Variants in RCC2 observed in about 807,000 individuals in gnomAD.
RCC2 encodes protein RCC2.
In RCC2, 19 loss-of-function variants were observed where a neutral mutation model predicts 64.1. The ratio of observed to expected loss-of-function variants is 0.30; its 90% CI spans 0.21 to 0.44. The LOEUF (loss-of-function observed/expected upper bound fraction) is 0.44, where lower values mean the gene tolerates loss of function less well. Among genes scored for constraint, RCC2 ranks in the 20% least tolerant of loss-of-function variants. The pLI is 1.00. For synonymous variants in RCC2, 325 were observed against 279.6 expected, an observed-to-expected ratio of 1.16 and a Z score of -1.62; for missense variants, 508 against 710.4, an observed-to-expected ratio of 0.72 and a Z score of 3.24.
chr1:17,417,167 TGGTTACG>T (rs1306911924), intron 7 of RCC2, among the ~76,000 whole-genome samples: 1 of 152,114 alleles, frequency 6.6e-6, no homozygotes, highest in Non-Finnish European at 1.5e-5. Context: ...CCTAAACGTA[TGGTTACG>T]GGTGGCTAAA....
At chr1:17,420,214 C>A (rs960067382) in intron 7 of RCC2, among the ~76,000 whole-genome samples, 1 of 152,176 alleles carries the variant, frequency 6.6e-6, no homozygotes, top group Admixed American at 6.5e-5. Flanking sequence ...CCTTTTCCAC[C>A]AATGAGATCG....
At chr1:17,434,784 G>A (rs1243759537) in intron 2 of RCC2, among the ~76,000 whole-genome samples, 1 of 152,218 alleles carries the variant, frequency 6.6e-6, no homozygotes, top group Non-Finnish European at 1.5e-5. Context: ...CTTGATAGCA[G>A]GGGGAGACCT....
intron 2 of RCC2, among the ~76,000 whole-genome samples, chr1:17,430,968 T>C (rs949547007): frequency 6.6e-6 from 1 of 151,898 alleles, no homozygotes; most frequent in South Asian, 2.1e-4. Flanking sequence ...TCCACCCACC[T>C]TGGCCTCCCA....
intron 9 of RCC2, 68 bp downstream of exon 9, chr1:17,413,469 G>C (rs753161461): frequency 1.9e-4 from 291 of 1,502,724 alleles, no homozygotes; most frequent in Non-Finnish European, 2.6e-4. Flanking sequence ...TCGTGGTCTA[G>C]GGACAGGACA....
At chr1:17,438,619 C>T (rs2075771441) in intron 1 of RCC2, 97 bp from the exon 2 acceptor site, 12 of 1,175,646 alleles carry the variant, frequency 1.0e-5, no homozygotes, top group Admixed American at 3.5e-5. Context: ...CCACTTCCTC[C>T]TCTGCCCTCC....
intron 3 of RCC2, among the ~76,000 whole-genome samples, chr1:17,427,468 C>T (rs2075629024): frequency 6.6e-6 from 1 of 152,134 alleles, no homozygotes; most frequent in African/African-American, 2.4e-5. Flanking sequence ...TATATTAAAA[C>T]TTAAGAAAAA....
intron 8 of RCC2, 141 bp from the exon 9 acceptor site, chr1:17,413,858 C>A (rs2075452839): frequency 1.3e-6 from 1 of 773,196 alleles, no homozygotes; most frequent in Admixed American, 2.9e-5. Flanking sequence ...ACCAGCCGGG[C>A]ACGGTGGTTC....
intron 2 of RCC2, among the ~76,000 whole-genome samples, chr1:17,431,594 G>T (rs2075682260): frequency 6.6e-6 from 1 of 150,860 alleles, no homozygotes; most frequent in African/African-American, 2.4e-5. Context: ...TCACCCCATG[G>T]GTATGCTTTG....
In RCC2 at chr1:17,409,039, G is replaced by C; in HGVS notation, c.*51C>G. ...TTGACTTCCCGTCCCAGTGCACATGGAAATGACAGCTGCCGCGAGAGGTGT... is the reference window on the plus strand; with the variant it reads ...TTGACTTCCCGTCCCAGTGCACATGCAAATGACAGCTGCCGCGAGAGGTGT... On this transcript the variant is annotated 3_prime_UTR_variant, in exon 13 of 13. Transcript: ENST00000375436. The C allele has an allele frequency of 2.2e-6, 3 of 1,335,384 alleles. No individual in the cohort carries two copies. Among genetic ancestry groups the C allele is most frequent in the Non-Finnish European group, 3.2e-6 (3 of 926,198 alleles). The allele number at this position is 1,335,384 out of a possible 1,614,324, so 82.7% of individuals were successfully genotyped here. A position where few individuals can be genotyped will look rare whatever the true frequency, so the allele number is the denominator to read the frequency against.
intron 1 of RCC2, among the ~76,000 whole-genome samples, chr1:17,438,864 C>G (rs529653718): frequency 5.3e-5 from 8 of 152,338 alleles, no homozygotes; most frequent in African/African-American, 1.9e-4. Flanking sequence ...TAAAACCAGC[C>G]TCCAGTCCCC....
chr1:17,422,364 C>A, intron 5 of RCC2, 73 bp from the exon 6 acceptor site: 1 of 1,370,156 alleles, frequency 7.3e-7, no homozygotes, highest in Admixed American at 1.8e-5. Flanking sequence ...GAATCAAAGG[C>A]ATCAAAATAA....
intron 2 of RCC2, among the ~76,000 whole-genome samples, chr1:17,430,492 A>G (rs1206968434): frequency 6.8e-6 from 1 of 147,954 alleles, no homozygotes; most frequent in Non-Finnish European, 1.5e-5. Context: ...TTGTCTCAAA[A>G]AAAAAAAAAA....
intron 8 of RCC2, among the ~76,000 whole-genome samples, chr1:17,414,556 A>C (rs2075461432): frequency 6.6e-6 from 1 of 150,924 alleles, no homozygotes; most frequent in African/African-American, 2.4e-5. Flanking sequence ...ACGAAACAAA[A>C]AAAAAAACAC....
rs1469362541 is a variant in RCC2 at position 17,438,585 on chromosome 1, G to A, written c.-8-63C>T. On this transcript the variant is annotated intron_variant, in intron 1 of 12. Coordinates refer to ENST00000375436, the MANE Select transcript of RCC2 (RefSeq NM_018715.4). ...GGTTATAAACTGCGCGGGGGGAGGGGAGCGGAGACGAGCCACCCGGCCTCC... is the reference window on the plus strand; with the variant it reads ...GGTTATAAACTGCGCGGGGGGAGGGAAGCGGAGACGAGCCACCCGGCCTCC... 10 of 1,260,004 alleles carry A rather than the reference G, an allele frequency of 7.9e-6. No homozygotes were observed. In the South Asian group the frequency reaches 9.9e-5, roughly 12 times the overall value. 78.1% of individuals were successfully genotyped at this position (1,260,004 alleles called of 1,614,324 possible).
chr1:17,435,111 G>C (rs537297594), intron 2 of RCC2, among the ~76,000 whole-genome samples: 16 of 152,280 alleles, frequency 1.1e-4, no homozygotes, highest in Admixed American at 9.2e-4. Flanking sequence ...TGGGGTGGGG[G>C]GTGCGGAAGA....
chr1:17,411,966 T>A (rs912733340), intron 11 of RCC2, among the ~76,000 whole-genome samples, 156 bp downstream of exon 11: 1 of 152,254 alleles, frequency 6.6e-6, no homozygotes, highest in East Asian at 1.9e-4. Flanking sequence ...TGAAAACTCA[T>A]GGGACTCAAT....
chr1:17,425,312 A>G (rs1191797970), intron 4 of RCC2, among the ~76,000 whole-genome samples: 1 of 152,224 alleles, frequency 6.6e-6, no homozygotes, highest in Non-Finnish European at 1.5e-5. Context: ...ACAAGGAATC[A>G]AAGAAGTAGG....
intron 10 of RCC2, 141 bp downstream of exon 10, chr1:17,412,932 T>A: frequency 1.6e-6 from 1 of 639,288 alleles, no homozygotes; most frequent in South Asian, 1.9e-5. Flanking sequence ...ACTCTGGGAT[T>A]CAGTGTGTCA....
rs1384173251 is a variant in RCC2 at position 17,408,755 on chromosome 1, G to C, written c.*335C>G. ...TTGTAACTGGAAAGGGGTGTTTTGG[G>C]GAGTGTATTCAGGAGAGGAAGAAAG... On this transcript the variant is annotated 3_prime_UTR_variant, in exon 13 of 13. Transcript: ENST00000375436. 4.5e-6 allele frequency: 1 copy of C among 224,576 alleles called. No individual in the cohort carries two copies. Among genetic ancestry groups the C allele is most frequent in the African/African-American group, 2.3e-5 (1 of 43,450 alleles). The allele number at this position is 224,576 out of a possible 1,614,324, so 13.9% of individuals were successfully genotyped here.
Sources: allele counts gnomAD v4.1 joint callset (sites outside exome capture counted in the v4.1 genomes callset), GRCh38; gene constraint gnomAD v4.1.1; transcripts MANE v1.5; gene names NCBI Gene and HGNC (gene_info 2026-07-23, HGNC 2026-07-21).